NTN1: variants seen among roughly 807,000 people sequenced by gnomAD.
The protein encoded by NTN1 is netrin-1.
NTN1 carries 11 observed loss-of-function variants against 54.2 expected under a neutral mutation model. The observed-to-expected ratio is 0.20, with a 90% CI of 0.13 to 0.34. NTN1 has a LOEUF of 0.34. Ranked by LOEUF, NTN1 falls within the 10% of genes least tolerant of loss-of-function variation. The pLI is 1.00. For synonymous variants in NTN1, 371 were observed against 382.0 expected (o/e 0.97, Z 0.33); for missense variants, 740 against 893.1 (o/e 0.83, Z 2.18).
intron 2 of NTN1, among the ~76,000 whole-genome samples, chr17:9,107,119 A>G (rs1331151928): frequency 1.3e-5 from 2 of 152,210 alleles, no homozygotes; most frequent in Non-Finnish European, 2.9e-5. Context: ...GTAAAACTGT[A>G]GTACATCTTG....
At chr17:9,197,625 A>G (rs112958114) in intron 5 of NTN1, among the ~76,000 whole-genome samples, 1 of 148,512 alleles carries the variant, frequency 6.7e-6, no homozygotes. Flanking sequence ...ACAGCACTGC[A>G]CTCCGGCCTG....
intron 2 of NTN1, among the ~76,000 whole-genome samples, chr17:9,080,856 G>A (rs1485402451): frequency 6.6e-6 from 1 of 152,186 alleles, no homozygotes; most frequent in Non-Finnish European, 1.5e-5. Context: ...GTTCCTAGAG[G>A]GTGATGGTCC....
intron 2 of NTN1, among the ~76,000 whole-genome samples, chr17:9,035,748 A>G (rs1597465075): frequency 6.6e-6 from 1 of 152,186 alleles, no homozygotes; most frequent in Non-Finnish European, 1.5e-5. Flanking sequence ...AGGGTTGGGC[A>G]TGGTGGATCA....
At chr17:9,201,925 C>T (rs866537059) in intron 5 of NTN1, among the ~76,000 whole-genome samples, 32 of 151,132 alleles carry the variant, frequency 2.1e-4, no homozygotes, top group Non-Finnish European at 3.4e-4. Flanking sequence ...TGGTGGCTCA[C>T]GCTTGTAATC....
At chr17:9,026,289 A>T (rs563470827) in intron 2 of NTN1, among the ~76,000 whole-genome samples, 8 of 151,364 alleles carry the variant, frequency 5.3e-5, no homozygotes, top group Non-Finnish European at 1.2e-4. Flanking sequence ...TCTTTGGTCC[A>T]GTTTTCTTTT....
At position 9,051,174 on chromosome 17, in the gene NTN1, T is replaced by C. The variant is rs73973294; in HGVS notation, c.1018+27783T>C. Among the ~76,000 whole-genome samples the C allele has an allele frequency of 4.4e-3, 669 of 152,268 alleles. 7 individuals carry two copies. Among genetic ancestry groups the C allele is most frequent in the African/African-American group, 0.015 (617 of 41,560 alleles). ...CTCTCCTTGGCAGGCCACTTAAAGT[T>C]ACACCGACTTCAAACAAAAAGGGTT... On this transcript the variant is annotated intron_variant, in intron 2 of 6. Coordinates refer to ENST00000173229, the MANE Select transcript of NTN1 (RefSeq NM_004822.3).
intron 2 of NTN1, among the ~76,000 whole-genome samples, chr17:9,150,818 G>A (rs769226670): frequency 2.0e-5 from 3 of 152,168 alleles, no homozygotes; most frequent in East Asian, 1.9e-4. Context: ...AAAAAATGAC[G>A]GCGAGGTCAA....
At chr17:9,005,624 C>T in the NTN1 span, among the ~76,000 whole-genome samples, 1 of 152,206 alleles carries the variant, frequency 6.6e-6, no homozygotes, top group African/African-American at 2.4e-5. Context: ...GCCCTTCTCT[C>T]CCAGGACCAT....
chr17:9,183,910 G>C (rs370465905), intron 5 of NTN1, among the ~76,000 whole-genome samples: 1 of 152,196 alleles, frequency 6.6e-6, no homozygotes, highest in Non-Finnish European at 1.5e-5. Flanking sequence ...TGCACCCAGA[G>C]TCCTGGTCCT....
intron 2 of NTN1, among the ~76,000 whole-genome samples, chr17:9,043,579 T>G (rs1056658932): frequency 1.3e-4 from 19 of 148,534 alleles, no homozygotes; most frequent in Admixed American, 9.4e-4. Context: ...ATCTCTCTCT[T>G]TTTTTTTTTT....
At chr17:9,102,997 T>G (rs1210655254) in intron 2 of NTN1, among the ~76,000 whole-genome samples, 1 of 152,082 alleles carries the variant, frequency 6.6e-6, no homozygotes, top group Non-Finnish European at 1.5e-5. Context: ...TGGCAGGAGG[T>G]GGCTTCTGAT....
intron 2 of NTN1, among the ~76,000 whole-genome samples, chr17:9,137,046 G>A (rs2092283437): frequency 6.6e-6 from 1 of 152,056 alleles, no homozygotes; most frequent in Non-Finnish European, 1.5e-5. Context: ...CATTTTCTTG[G>A]CCTGGAATTT....
chr17:9,114,160 A>ATATATAT (rs1310655092), intron 2 of NTN1, among the ~76,000 whole-genome samples: 33 of 94,364 alleles, frequency 3.5e-4, no homozygotes, highest in African/African-American at 1.2e-3. Flanking sequence ...AAAGAAAAAA[A>ATATATAT]AAAAAAATAT....
intron 6 of NTN1, among the ~76,000 whole-genome samples, chr17:9,228,820 C>CTATGTG (rs1555579154): frequency 7.1e-6 from 1 of 141,310 alleles, no homozygotes; most frequent in Non-Finnish European, 1.5e-5. Flanking sequence ...ATCTGTTCAG[C>CTATGTG]TGTGTGTGTG....
chr17:9,052,866 C>A (rs1384676207), intron 2 of NTN1, among the ~76,000 whole-genome samples: 1 of 152,228 alleles, frequency 6.6e-6, no homozygotes, highest in Non-Finnish European at 1.5e-5. Context: ...GACACAGAGC[C>A]CCCGGGCAGA....
chr17:9,114,166 A>AAAAAAAAAAAAATATATATATATATATAT (rs1555569108), intron 2 of NTN1, among the ~76,000 whole-genome samples: 1 of 74,658 alleles, frequency 1.3e-5, no homozygotes, highest in African/African-American at 5.8e-5. Context: ...AAAAAAAAAA[A>AAAAAAAAAAAAATATATATATATATATAT]ATATATATAT....
At position 9,221,136 on chromosome 17, in the gene NTN1, T is replaced by G; in HGVS notation, c.1412-32T>G. 6.7e-7 allele frequency: 1 copy of G among 1,482,110 alleles called. No homozygotes were observed. The highest frequency in any genetic ancestry group is 9.4e-7 in the Non-Finnish European group (1 of 1,065,416). 91.8% of individuals were successfully genotyped at this position (1,482,110 alleles called of 1,614,324 possible). A position where few individuals can be genotyped will look rare whatever the true frequency, so the allele number is the denominator to read the frequency against. On this transcript the variant is annotated intron_variant, in intron 5 of 6. Coordinates refer to ENST00000173229, the MANE Select transcript of NTN1 (RefSeq NM_004822.3). The surrounding 1 kb of genome is among the most constrained non-coding windows in gnomAD (Gnocchi z 4.5). ...CTATTCATCGCCAGCCTAATTAGTT[T>G]TTGTCTGTGCTCCCCCCCCACCCCC...
intron 2 of NTN1, among the ~76,000 whole-genome samples, chr17:9,068,941 C>T (rs185255533): frequency 2.3e-4 from 35 of 152,250 alleles, no homozygotes; most frequent in Admixed American, 4.6e-4. Flanking sequence ...CACCATATGG[C>T]GGCAGTACAG....
chr17:9,029,088 G>A (rs576677673), intron 2 of NTN1, among the ~76,000 whole-genome samples: 4 of 152,030 alleles, frequency 2.6e-5, no homozygotes, highest in African/African-American at 7.3e-5. Flanking sequence ...TTTGCCTGTT[G>A]TCTGGAAGCC....
Sources: gnomAD v4.1 joint callset for allele counts (sites outside exome capture counted in the v4.1 genomes callset) on GRCh38, gnomAD v4.1.1 for gene constraint, Gnocchi (gnomAD v3.1) non-coding constraint, MANE v1.5 for transcripts, NCBI Gene and HGNC (gene_info 2026-07-23, HGNC 2026-07-21) for gene names.